Variants in AGBL1 observed in about 807,000 individuals in gnomAD.
AGBL1 encodes the protein cytosolic carboxypeptidase 4.
AGBL1 carries 130 observed loss-of-function variants against 118.9 expected under a neutral mutation model. The observed-to-expected ratio is 1.09, with a 90% CI of 0.95 to 1.26. The LOEUF is 1.26. Ranked by LOEUF, AGBL1 falls within the 50% of genes most tolerant of loss-of-function variation. The probability of loss-of-function intolerance (pLI) is 0.00; values close to 1 mark genes in which losing one functional copy is unlikely to be tolerated. For synonymous variants in AGBL1, 555 were observed against 478.9 expected (o/e 1.16, Z -2.08); for missense variants, 1,584 against 1,298.1 (o/e 1.22, Z -3.38).
intron 21 of AGBL1, among the ~76,000 whole-genome samples, chr15:86,669,198 G>T (rs2085698480): frequency 6.6e-6 from 1 of 152,118 alleles, no homozygotes. Context: ...ACTGTACGAT[G>T]CCCAGAAACA....
intron 18 of AGBL1, among the ~76,000 whole-genome samples, chr15:86,459,868 A>G (rs1172962011): frequency 6.6e-6 from 1 of 152,156 alleles, no homozygotes; most frequent in Non-Finnish European, 1.5e-5. Context: ...TTATGAAGCA[A>G]TGCTTATAGT....
intron 6 of AGBL1, among the ~76,000 whole-genome samples, chr15:86,241,182 C>T (rs1439331027): frequency 6.6e-5 from 10 of 152,254 alleles, no homozygotes; most frequent in Middle Eastern, 3.4e-3. Flanking sequence ...AAGTCAACTA[C>T]ATGCCATGGG....
chr15:86,138,593 G>A (rs1303314246), intron 1 of AGBL1, among the ~76,000 whole-genome samples: 2 of 152,196 alleles, frequency 1.3e-5, no homozygotes, highest in African/African-American at 2.4e-5. Flanking sequence ...ATGAATGCAT[G>A]AATCATTGAA....
chr15:86,164,262 T>A (rs1028273560), intron 5 of AGBL1, among the ~76,000 whole-genome samples: 2 of 152,182 alleles, frequency 1.3e-5, no homozygotes, highest in Non-Finnish European at 2.9e-5. Flanking sequence ...CTGGGGGTGC[T>A]TTTTATAGAA....
intron 22 of AGBL1, among the ~76,000 whole-genome samples, chr15:86,885,460 C>T (rs1009483375): frequency 6.6e-6 from 1 of 152,052 alleles, no homozygotes; most frequent in African/African-American, 2.4e-5. Context: ...AAATACCATA[C>T]GTTGATTATT....
chr15:86,200,791 A>G (rs898361002), intron 5 of AGBL1, among the ~76,000 whole-genome samples: 18 of 151,516 alleles, frequency 1.2e-4, no homozygotes, highest in African/African-American at 4.4e-4. Flanking sequence ...TAATTGTTGT[A>G]TTTCAGTAGA....
chr15:86,267,775 G>A (rs28452411), intron 13 of AGBL1, among the ~76,000 whole-genome samples: 4,619 of 152,218 alleles, frequency 0.03, 247 homozygotes, highest in African/African-American at 0.11. Flanking sequence ...ATAGCAGTGT[G>A]GATATATTTC....
chr15:86,783,739 C>A (rs2078368546), intron 22 of AGBL1, among the ~76,000 whole-genome samples: 1 of 152,202 alleles, frequency 6.6e-6, no homozygotes, highest in Non-Finnish European at 1.5e-5. Flanking sequence ...AAGAGATTCT[C>A]CTGTCTCAGC....
intron 6 of AGBL1, among the ~76,000 whole-genome samples, chr15:86,229,547 A>G (rs2141944625): frequency 6.6e-6 from 1 of 152,198 alleles, no homozygotes; most frequent in Non-Finnish European, 1.5e-5. Flanking sequence ...ACCCTTTCTT[A>G]TCATCTGCCT....
At chr15:86,155,734 G>T (rs1212917087) in intron 4 of AGBL1, among the ~76,000 whole-genome samples, 1 of 151,828 alleles carries the variant, frequency 6.6e-6, no homozygotes, top group Non-Finnish European at 1.5e-5. Context: ...GTTTGACTGT[G>T]GTTCTTTTTT....
chr15:86,392,077 G>A (rs1167402809), intron 17 of AGBL1, among the ~76,000 whole-genome samples: 2 of 152,090 alleles, frequency 1.3e-5, no homozygotes, highest in African/African-American at 4.8e-5. Context: ...ATTCCAGATA[G>A]GGATAAAGAT....
At chr15:86,122,340 C>G (rs1211564168) in intron 1 of AGBL1, among the ~76,000 whole-genome samples, 1 of 152,156 alleles carries the variant, frequency 6.6e-6, no homozygotes, top group Non-Finnish European at 1.5e-5. Flanking sequence ...CTCCTTCAAA[C>G]TTCAAGGATT....
chr15:86,683,135 CAGAT>C (rs2085991327), intron 22 of AGBL1, among the ~76,000 whole-genome samples: 2 of 152,112 alleles, frequency 1.3e-5, no homozygotes, highest in Non-Finnish European at 2.9e-5. Flanking sequence ...AAAAAACTGA[CAGAT>C]GGGGGGGCAT....
chr15:86,950,810 T>C (rs546555145), intron 23 of AGBL1, among the ~76,000 whole-genome samples: 4 of 152,184 alleles, frequency 2.6e-5, no homozygotes. Flanking sequence ...GGTTAATCAA[T>C]ACATTAAAAT....
chr15:86,359,005 G>A (rs11073630), intron 17 of AGBL1, among the ~76,000 whole-genome samples: 114,409 of 151,268 alleles, frequency 0.76, 43,942 homozygotes, highest in Non-Finnish European at 0.79. Context: ...TTTCTTTGCT[G>A]TTTAGAAAAT....
Position 86,310,702 on chromosome 15 carries a change from G to A in AGBL1, c.2374+15294G>A, listed in dbSNP as rs576171685. ...CATGGGTCCACTGAGGCATGGAGCC[G>A]TGGGGGCCAGCCTAGAGCCTGGGGC... On this transcript the variant is annotated intron_variant, in intron 17 of 22. Coordinates refer to ENST00000614907, the MANE Select transcript of AGBL1 (RefSeq NM_001386094.1). Among the ~76,000 whole-genome samples, 37 of 152,252 alleles carry A rather than the reference G, an allele frequency of 2.4e-4. 1 individual carries two copies. In the East Asian group the frequency reaches 3.3e-3, roughly 14 times the overall value.
At chr15:86,082,321 A>G (rs1723525297) in intron 1 of AGBL1, among the ~76,000 whole-genome samples, 1 of 152,234 alleles carries the variant, frequency 6.6e-6, no homozygotes, top group Admixed American at 6.5e-5. Flanking sequence ...TGGGGATCCC[A>G]AAGATCTTAC....
At chr15:86,620,539 T>A (rs2084788953) in intron 21 of AGBL1, among the ~76,000 whole-genome samples, 1 of 152,136 alleles carries the variant, frequency 6.6e-6, no homozygotes, top group Admixed American at 6.5e-5. Context: ...TCCTTTGGCT[T>A]CCCCAGTGAC....
intron 22 of AGBL1, among the ~76,000 whole-genome samples, chr15:86,807,672 T>G (rs965539410): frequency 5.3e-5 from 8 of 152,264 alleles, no homozygotes; most frequent in African/African-American, 1.9e-4. Context: ...TGGCCCAGTT[T>G]CCTAAGAATG....
Sources: allele counts gnomAD v4.1 joint callset (sites outside exome capture counted in the v4.1 genomes callset), GRCh38; gene constraint gnomAD v4.1.1; transcripts MANE v1.5; gene names NCBI Gene and HGNC (gene_info 2026-07-23, HGNC 2026-07-21).